The following N4BP2 variants were observed in gnomAD, a reference collection of about 807,000 sequenced individuals.
N4BP2 encodes the protein NEDD4-binding protein 2.
Under a neutral mutation model 152.8 loss-of-function variants are expected in N4BP2, and 91 were observed. That is an observed-to-expected ratio of 0.60 (90% CI 0.50 to 0.71). N4BP2 has a LOEUF of 0.71. Among genes scored for constraint, N4BP2 ranks in the 30% least tolerant of loss-of-function variants. The probability of loss-of-function intolerance (pLI) is 0.00; values close to 1 mark genes in which losing one functional copy is unlikely to be tolerated. For missense variants in N4BP2, 1,923 were observed against 2,059.1 expected, an observed-to-expected ratio of 0.93 and a Z score of 1.28; for synonymous variants, 646 against 705.3, an observed-to-expected ratio of 0.92 and a Z score of 1.33.
At chr4:40,107,564 T>TA (rs1716429843) in intron 5 of N4BP2, among the ~76,000 whole-genome samples, 1 of 151,838 alleles carries the variant, frequency 6.6e-6, no homozygotes, top group Non-Finnish European at 1.5e-5. Context: ...TTGTATTTTT[T>TA]ATAGAGACGG....
chr4:40,181,173 A>G, the N4BP2 span, among the ~76,000 whole-genome samples: 21 of 151,946 alleles, frequency 1.4e-4, no homozygotes, highest in Admixed American at 3.9e-4. Flanking sequence ...ATATATATAC[A>G]TTGGCCAAAT....
At chr4:40,063,747 G>T (rs1178114033) in intron 1 of N4BP2, among the ~76,000 whole-genome samples, 1 of 151,914 alleles carries the variant, frequency 6.6e-6, no homozygotes. Flanking sequence ...GTGTTCAAGC[G>T]ATTCTCCTGT....
intron 2 of N4BP2, chr4:40,078,025 A>G (rs1712936125): frequency 6.6e-6 from 1 of 151,968 alleles, no homozygotes; most frequent in Non-Finnish European, 1.5e-5. Context: ...ATAGCTGATA[A>G]GGTTCTTTTT....
chr4:40,084,732 C>T (rs570783743), intron 2 of N4BP2, among the ~76,000 whole-genome samples: 12 of 150,094 alleles, frequency 8.0e-5, no homozygotes, highest in Non-Finnish European at 1.6e-4. Flanking sequence ...CGGGTTCAAG[C>T]GATTCTCCTG....
chr4:40,095,878 G>A (rs1210051984), intron 2 of N4BP2, among the ~76,000 whole-genome samples: 2 of 152,052 alleles, frequency 1.3e-5, no homozygotes, highest in African/African-American at 4.8e-5. Flanking sequence ...AACATATAGG[G>A]GTTTAGATCA....
At chr4:40,101,229 T>C (rs1715618265) in intron 3 of N4BP2, among the ~76,000 whole-genome samples, 1 of 152,232 alleles carries the variant, frequency 6.6e-6, no homozygotes, top group Admixed American at 6.5e-5. Context: ...CGATCTCTGC[T>C]CACTACCACC....
chr4:40,173,586 C>T, the N4BP2 span, among the ~76,000 whole-genome samples: 6 of 152,148 alleles, frequency 3.9e-5, no homozygotes, highest in Non-Finnish European at 7.3e-5. Context: ...AAGGGAAATA[C>T]GCTCTGTGCA....
intron 1 of N4BP2, among the ~76,000 whole-genome samples, chr4:40,065,438 C>T (rs942124871): frequency 2.0e-5 from 3 of 151,836 alleles, no homozygotes; most frequent in African/African-American, 4.8e-5. Context: ...AGAGGTAAAT[C>T]GAACAAAAGA....
At chr4:40,126,808 A>G (rs1230040309) in intron 12 of N4BP2, among the ~76,000 whole-genome samples, 1 of 151,554 alleles carries the variant, frequency 6.6e-6, no homozygotes, top group Non-Finnish European at 1.5e-5. Context: ...CCCAGGCTGG[A>G]GTACAGTGGT....
chr4:40,116,100 T>G (rs113812588), intron 7 of N4BP2, among the ~76,000 whole-genome samples: 3,764 of 152,270 alleles, frequency 0.025, 159 homozygotes, highest in African/African-American at 0.086. Flanking sequence ...TTGTCTAATA[T>G]TGATAGACCT....
intron 1 of N4BP2, among the ~76,000 whole-genome samples, chr4:40,072,847 C>T (rs1712347583): frequency 6.6e-6 from 1 of 151,694 alleles, no homozygotes; most frequent in African/African-American, 2.4e-5. Flanking sequence ...AGCCTCCCTC[C>T]TGAGTAGCTG....
intron 2 of N4BP2, among the ~76,000 whole-genome samples, chr4:40,088,521 A>G (rs1365374810): frequency 6.8e-6 from 1 of 146,012 alleles, no homozygotes; most frequent in Non-Finnish European, 1.5e-5. Context: ...TTTTTTTGCA[A>G]TGGGGTTTCG....
At chr4:40,181,285 C>A in the N4BP2 span, among the ~76,000 whole-genome samples, 4 of 152,164 alleles carry the variant, frequency 2.6e-5, no homozygotes, top group African/African-American at 9.7e-5. Flanking sequence ...CTTTTTCAAG[C>A]AAGCTTGAAA....
intron 1 of N4BP2, among the ~76,000 whole-genome samples, chr4:40,059,875 C>G (rs1329257054): frequency 6.6e-6 from 1 of 152,150 alleles, no homozygotes; most frequent in Non-Finnish European, 1.5e-5. Flanking sequence ...GGGGAGGAGA[C>G]AGAGACTGAG....
At chr4:40,173,506 CAG>C in the N4BP2 span, among the ~76,000 whole-genome samples, 1 of 152,156 alleles carries the variant, frequency 6.6e-6, no homozygotes. Context: ...TATGAGGGAA[CAG>C]AGGAAGAAGT....
At chr4:40,158,628 T>A (rs945911393), downstream of N4BP2, among the ~76,000 whole-genome samples, 13 of 151,988 alleles carry the variant, frequency 8.6e-5, no homozygotes, top group Non-Finnish European at 1.6e-4. Context: ...TGAAACTCTG[T>A]CTCTACAAAA....
At chr4:40,107,243 T>C (rs975330770) in intron 5 of N4BP2, among the ~76,000 whole-genome samples, 2 of 152,026 alleles carry the variant, frequency 1.3e-5, no homozygotes, top group Non-Finnish European at 2.9e-5. Context: ...GGACCACAGA[T>C]GTGCCACCAT....
chr4:40,085,342 G>A (rs979558256), intron 2 of N4BP2, among the ~76,000 whole-genome samples: 1 of 152,210 alleles, frequency 6.6e-6, no homozygotes, highest in East Asian at 1.9e-4. Context: ...AGCCTGAGAT[G>A]TTTTTTAGAT....
rs1560594554 is a variant in N4BP2, at chr4:40,102,730, A to C, written c.885A>C (p.Leu295Phe). 1 of 1,614,172 alleles carries C rather than the reference A, an allele frequency of 6.2e-7. No individual in the cohort carries two copies. The highest frequency in any genetic ancestry group is 1.1e-5 in the South Asian group (1 of 91,082). Residue 295 changes from leucine (L) to phenylalanine (F), a missense_variant, in exon 4 of 18, where the codon TTA (leucine) becomes TTC (phenylalanine). Transcript: ENST00000261435. ...ATGCCAGTGAACCTCAGGCTTGTTT[A>C]AACCTTCCAGGGCTTGATTTACCAG... ...DLDASEPQACLNLPGLDLPGT... is the reference protein window; with the variant it reads ...DLDASEPQACFNLPGLDLPGT...
Sources: allele counts gnomAD v4.1 joint callset (sites outside exome capture counted in the v4.1 genomes callset), GRCh38; gene constraint gnomAD v4.1.1; transcripts MANE v1.5; gene names NCBI Gene and HGNC (gene_info 2026-07-23, HGNC 2026-07-21).